The following ICE1 variants were observed in gnomAD, a reference collection of about 807,000 sequenced individuals.
ICE1 encodes little elongation complex subunit 1.
Under a neutral mutation model 192.7 loss-of-function variants are expected in ICE1, and 64 were observed. The observed-to-expected ratio is 0.33, with a 90% CI of 0.27 to 0.41. The LOEUF (loss-of-function observed/expected upper bound fraction) is 0.41, where lower values mean the gene tolerates loss of function less well. Ranked by LOEUF, ICE1 falls within the 10% of genes least tolerant of loss-of-function variation. The pLI is 1.00. For missense variants in ICE1, 2,708 were observed against 2,696.0 expected, an observed-to-expected ratio of 1.00 and a Z score of -0.10; for synonymous variants, 1,010 against 984.5, an observed-to-expected ratio of 1.03 and a Z score of -0.49.
At position 5,439,928 on chromosome 5, in the gene ICE1, T is replaced by A; in HGVS notation, c.197+15T>A. Reference sequence around the variant, plus strand: ...TTTGCAAGAAGGTGAGCCAACCTGTTTCATAGTTTATGATACCACCTATAT... The same window carrying A: ...TTTGCAAGAAGGTGAGCCAACCTGTATCATAGTTTATGATACCACCTATAT... On this transcript the variant is annotated intron_variant, in intron 4 of 18. Transcript: ENST00000296564. 1 of 1,540,688 alleles carries A rather than the reference T, an allele frequency of 6.5e-7. No homozygotes were observed. The highest frequency in any genetic ancestry group is 8.8e-7 in the Non-Finnish European group (1 of 1,137,222).
intron 12 of ICE1, among the ~76,000 whole-genome samples, chr5:5,458,061 T>A (rs1283413906): frequency 6.6e-6 from 1 of 152,214 alleles, no homozygotes; most frequent in Non-Finnish European, 1.5e-5. Context: ...AAACACATAT[T>A]TGTATACATG....
intron 11 of ICE1, among the ~76,000 whole-genome samples, chr5:5,455,125 G>T (rs1368863679): frequency 2.0e-5 from 3 of 152,160 alleles, no homozygotes; most frequent in Admixed American, 6.6e-5. Context: ...AGATTAAAGT[G>T]CTTCTTATTT....
chr5:5,455,441 T>G (rs536086339), intron 11 of ICE1, among the ~76,000 whole-genome samples: 8 of 152,320 alleles, frequency 5.3e-5, no homozygotes, highest in Admixed American at 3.3e-4. Context: ...AGTTCATAAT[T>G]TATCAATTCA....
intron 16 of ICE1, 63 bp downstream of exon 16, chr5:5,473,811 A>G: frequency 8.3e-7 from 1 of 1,201,578 alleles, no homozygotes; most frequent in Non-Finnish European, 1.1e-6. Flanking sequence ...TTGAACACTG[A>G]ATTGTGGCTT....
rs151027215 is a variant in ICE1 at position 5,483,183 on chromosome 5, A to G, written c.6521-3538A>G. ...TTTTTTGTTGTTTTTTTTAGTAGAG[A>G]CAGAGTTTCTCCATGTTGGTCAGGC... is the stretch of plus-strand genomic sequence containing the variant. On this transcript the variant is annotated intron_variant, in intron 17 of 18. Coordinates refer to ENST00000296564, the MANE Select transcript of ICE1 (RefSeq NM_015325.3). 4.2e-3 allele frequency among the ~76,000 whole-genome samples: 637 copies of G among 152,004 alleles called. 2 individuals are homozygous for G. The highest frequency in any genetic ancestry group is 0.014 in the African/African-American group (592 of 41,450).
chr5:5,429,884 A>T (rs554150762), intron 1 of ICE1, among the ~76,000 whole-genome samples: 1 of 152,230 alleles, frequency 6.6e-6, no homozygotes, highest in Non-Finnish European at 1.5e-5. Context: ...TGGGAAACAA[A>T]AAGTCTTGAG....
At chr5:5,472,085 A>G (rs545673746) in intron 15 of ICE1, among the ~76,000 whole-genome samples, 57 of 152,216 alleles carry the variant, frequency 3.7e-4, no homozygotes, top group Non-Finnish European at 7.2e-4. Flanking sequence ...TAGTTAACTC[A>G]TGTATTTAAC....
chr5:5,461,528 T>G lies in ICE1; in HGVS notation c.2194T>G (p.Leu732Val). Reference protein sequence around the residue: ...GIEYTKVVKGLTKIHSLPRSV... With the variant: ...GIEYTKVVKGVTKIHSLPRSV... The stretch of plus-strand genomic sequence containing the variant: ...AGAATATACAAAAGTAGTAAAAGGC[T>G]TGACCAAAATACATTCACTTCCTCG... The change falls in exon 13 of 19, where the codon TTG becomes GTG. Residue 732 changes from leucine (L) to valine (V), a missense_variant. Leu to Val is a conservative substitution (Grantham distance 32). Coordinates refer to ENST00000296564, the MANE Select transcript of ICE1 (RefSeq NM_015325.3). The G allele has an allele frequency of 6.2e-7, 1 of 1,613,378 alleles. No individual in the cohort carries two copies. The highest frequency in any genetic ancestry group is 8.5e-7 in the Non-Finnish European group (1 of 1,179,612).
chr5:5,480,410 C>A (rs7714569), intron 17 of ICE1, among the ~76,000 whole-genome samples: 6 of 151,762 alleles, frequency 4.0e-5, no homozygotes, highest in African/African-American at 1.5e-4. Flanking sequence ...CCACCACGCC[C>A]GGCTAATTTT....
At chr5:5,483,304 T>C (rs1201201545) in intron 17 of ICE1, among the ~76,000 whole-genome samples, 1 of 152,184 alleles carries the variant, frequency 6.6e-6, no homozygotes, top group Non-Finnish European at 1.5e-5. Flanking sequence ...CCACTGTCTA[T>C]TCTTAATTCA....
chr5:5,428,241 G>A (rs1172444124), intron 1 of ICE1, among the ~76,000 whole-genome samples: 2 of 152,008 alleles, frequency 1.3e-5, no homozygotes, highest in Admixed American at 6.6e-5. Context: ...GGACATTCCT[G>A]CCTTGTTGCC....
intron 10 of ICE1, among the ~76,000 whole-genome samples, chr5:5,450,953 A>G (rs943499073): frequency 1.3e-5 from 2 of 152,326 alleles, no homozygotes; most frequent in African/African-American, 4.8e-5. Flanking sequence ...TTGGAATCAC[A>G]GTTCCAAATG....
Position 5,447,743 on chromosome 5 carries a change from A to G in ICE1, c.530A>G (p.Lys177Arg), listed in dbSNP as rs1256192015. ...KTQERLDEFS[K>R]QKNEKELRHI... ...CAGGAAAGGCTTGACGAATTTTCTA[A>G]ACAGAAAAATGAAAAGGGTGAGTAT... Residue 177 changes from lysine to arginine, a missense_variant, in exon 9 of 19, where the codon AAA (lysine) becomes AGA (arginine). Physicochemically the swap from Lys to Arg is conservative, Grantham distance 26. This residue lies in a region of ICE1 where 2,366 missense variants were observed against 2,276.6 expected (regional missense o/e 1.04). Transcript: ENST00000296564. 2 of 1,585,252 alleles carry G rather than the reference A, an allele frequency of 1.3e-6. No homozygotes were observed. The highest frequency in any genetic ancestry group is 2.7e-5 in the African/African-American group (2 of 74,394).
chr5:5,445,578 C>T (rs776796791), intron 7 of ICE1, among the ~76,000 whole-genome samples: 52 of 151,832 alleles, frequency 3.4e-4, no homozygotes, highest in Admixed American at 5.2e-4. Flanking sequence ...ACTACAGGCA[C>T]GCACCACCAA....
intron 12 of ICE1, among the ~76,000 whole-genome samples, chr5:5,458,925 C>A (rs760858746): frequency 1.3e-5 from 2 of 151,996 alleles, no homozygotes; most frequent in Admixed American, 6.6e-5. Flanking sequence ...CAGACTGGAG[C>A]ACAGTGGCGC....
chr5:5,446,236 T>G (rs767016411), intron 7 of ICE1, among the ~76,000 whole-genome samples: 6 of 150,578 alleles, frequency 4.0e-5, no homozygotes, highest in Non-Finnish European at 8.9e-5. Context: ...GCTTGAGTGA[T>G]TCTCCTGCCT....
Position 5,447,422 on chromosome 5 carries a change from TA to T in ICE1, c.425-2del. ...TCTCTCCCTATTGCTTCATTGGACTTAAAGAGGCTGCTGTCAAGCAAACTCA... is the reference window on the plus strand; with the variant it reads ...TCTCTCCCTATTGCTTCATTGGACTTAAGAGGCTGCTGTCAAGCAAACTCA... On this transcript the variant is annotated splice_region_variant and splice_polypyrimidine_tract_variant and intron_variant, in intron 7 of 18. Coordinates refer to ENST00000296564, the MANE Select transcript of ICE1 (RefSeq NM_015325.3). 6.5e-7 allele frequency: 1 copy of T among 1,547,924 alleles called. No individual in the cohort carries two copies. Among genetic ancestry groups the T allele is most frequent in the Non-Finnish European group, 8.7e-7 (1 of 1,143,996 alleles).
At chr5:5,465,788 T>C (rs1370721978) in intron 13 of ICE1, among the ~76,000 whole-genome samples, 1 of 152,198 alleles carries the variant, frequency 6.6e-6, no homozygotes, top group African/African-American at 2.4e-5. Flanking sequence ...TAAATATTTA[T>C]TTTTTTAGAT....
intron 1 of ICE1, among the ~76,000 whole-genome samples, chr5:5,427,095 TTTTC>T (rs951416768): frequency 2.0e-5 from 3 of 152,238 alleles, no homozygotes; most frequent in African/African-American, 7.2e-5. Context: ...CCTGTCCTTT[TTTTC>T]TTTAGTTGTT....
Sources: allele counts gnomAD v4.1 joint callset (sites outside exome capture counted in the v4.1 genomes callset), GRCh38; gene constraint gnomAD v4.1.1; regional missense constraint gnomAD v4.1.1; transcripts MANE v1.5; gene names NCBI Gene and HGNC (gene_info 2026-07-23, HGNC 2026-07-21).